Variants in ACVR2A observed in about 807,000 individuals in gnomAD.
The protein encoded by ACVR2A is activin receptor type-2A.
In ACVR2A, 7 loss-of-function variants were observed where a neutral mutation model predicts 61.4. That is an observed-to-expected ratio of 0.11 (90% CI 0.06 to 0.21). The LOEUF is 0.21. Among genes scored for constraint, ACVR2A ranks in the 10% least tolerant of loss-of-function variants. The pLI is 1.00. For missense variants in ACVR2A, 322 were observed against 621.7 expected (o/e 0.52, Z 5.13); for synonymous variants, 193 against 208.3 (o/e 0.93, Z 0.63).
intron 1 of ACVR2A, among the ~76,000 whole-genome samples, chr2:147,892,328 A>G (rs952771990): frequency 6.6e-6 from 1 of 151,462 alleles, no homozygotes; most frequent in Non-Finnish European, 1.5e-5. Flanking sequence ...CTGTCAGTTC[A>G]TGCTATAATT....
chr2:147,896,428 T>C lies in ACVR2A; in HGVS notation c.183T>C (p.Phe61=), dbSNP rs765401936. 1.9e-6 allele frequency: 3 copies of C among 1,614,038 alleles called. No individual in the cohort carries two copies. Among genetic ancestry groups the C allele is most frequent in the South Asian group, 2.2e-5 (2 of 91,082 alleles). ...YGDKDKRRHC[F]ATWKNISGSI... ...ACAAAGATAAACGGCGGCATTGTTT[T>C]GCTACCTGGAAGAATATTTCTGGTT... The change falls in exon 2 of 11, where the codon TTT becomes TTC. Residue 61 remains phenylalanine (F), a synonymous_variant. Transcript: ENST00000241416.
intron 1 of ACVR2A, among the ~76,000 whole-genome samples, chr2:147,848,874 A>C (rs2096549355): frequency 6.6e-6 from 1 of 152,190 alleles, no homozygotes; most frequent in Admixed American, 6.5e-5. Context: ...GTAGTTTATT[A>C]GTAAAAGGGC....
At chr2:147,848,866 A>C (rs553859222) in intron 1 of ACVR2A, among the ~76,000 whole-genome samples, 38 of 152,178 alleles carry the variant, frequency 2.5e-4, no homozygotes, top group Non-Finnish European at 5.1e-4. Context: ...TAAAAGCAGT[A>C]GTTTATTAGT....
In ACVR2A at chr2:147,899,831, T is replaced by A; in HGVS notation, c.461T>A (p.Val154Asp). 1 of 1,613,814 alleles carries A rather than the reference T, an allele frequency of 6.2e-7. No individual in the cohort carries two copies. The change falls in exon 4 of 11, where the codon GTC becomes GAC. Residue 154 changes from valine to aspartate, a missense_variant. Val to Asp is a radical substitution (Grantham distance 152, BLOSUM62 -3). This residue lies in a region of ACVR2A where 142 missense variants were observed against 200.3 expected (regional missense o/e 0.71). Coordinates refer to ENST00000241416, the MANE Select transcript of ACVR2A (RefSeq NM_001616.5). ...CCACTTATGTTAATTGCGGGGATTGTCATTTGTGCATTTTGGGTGTACAGG... is the reference window on the plus strand; with the variant it reads ...CCACTTATGTTAATTGCGGGGATTGACATTTGTGCATTTTGGGTGTACAGG... Reference protein sequence around the residue: ...LVPLMLIAGIVICAFWVYRHH... With the variant: ...LVPLMLIAGIDICAFWVYRHH...
chr2:147,911,662 C>A (rs2105209125), intron 4 of ACVR2A, among the ~76,000 whole-genome samples: 1 of 152,108 alleles, frequency 6.6e-6, no homozygotes, highest in Admixed American at 6.6e-5. Context: ...CTTTACTGTG[C>A]ATCCTCTATA....
At chr2:147,903,373 G>C (rs1686916409) in intron 4 of ACVR2A, among the ~76,000 whole-genome samples, 1 of 151,182 alleles carries the variant, frequency 6.6e-6, no homozygotes, top group African/African-American at 2.4e-5. Flanking sequence ...ACCAAGTCCT[G>C]TTCATTCACC....
At position 147,899,721 on chromosome 2, in the gene ACVR2A, A is replaced by AT. The variant is rs143859034; in HGVS notation, c.374-18dup. The AT allele has an allele frequency of 4.4e-4, 715 of 1,610,434 alleles. 3 individuals are homozygous for AT. The African/African-American group carries it at 9.0e-3, about 20-fold the overall frequency. On this transcript the variant is annotated intron_variant, in intron 3 of 10. Transcript: ENST00000241416. The stretch of plus-strand genomic sequence containing the variant: ...GAATTTTGTAGACCAAATCTGAGTT[A>AT]TTTTTCCCCCCCTTTTCCACAGCCA...
chr2:147,873,691 A>G (rs886440520), intron 1 of ACVR2A, among the ~76,000 whole-genome samples: 1 of 151,988 alleles, frequency 6.6e-6, no homozygotes, highest in African/African-American at 2.4e-5. Flanking sequence ...TGAAACTTTG[A>G]TGATGGTGAA....
chr2:147,869,080 C>T (rs911767998), intron 1 of ACVR2A, among the ~76,000 whole-genome samples: 6 of 152,156 alleles, frequency 3.9e-5, no homozygotes, highest in Middle Eastern at 6.8e-3. Context: ...CAGTCCTTGA[C>T]GAGTTCTAGA....
intron 2 of ACVR2A, 44 bp from the exon 3 acceptor site, chr2:147,899,414 A>T (rs780396992): frequency 7.2e-7 from 1 of 1,379,720 alleles, no homozygotes; most frequent in Non-Finnish European, 1.0e-6. Flanking sequence ...TAGGGTCAGT[A>T]TAATAATATT....
chr2:147,925,309 G>A (rs1687476797), intron 9 of ACVR2A, among the ~76,000 whole-genome samples: 1 of 151,900 alleles, frequency 6.6e-6, no homozygotes, highest in Admixed American at 6.6e-5. Context: ...TATATGTAAA[G>A]TTTCTGATCA....
intron 4 of ACVR2A, among the ~76,000 whole-genome samples, chr2:147,914,457 T>A (rs1466909914): frequency 6.6e-6 from 1 of 152,024 alleles, no homozygotes; most frequent in African/African-American, 2.4e-5. Flanking sequence ...TGCACGTTTC[T>A]TTCATTTACC....
At chr2:147,911,681 A>G (rs1322503715) in intron 4 of ACVR2A, among the ~76,000 whole-genome samples, 1 of 152,018 alleles carries the variant, frequency 6.6e-6, no homozygotes, top group East Asian at 1.9e-4. Context: ...TAATTTATAT[A>G]TTTATGTCAT....
chr2:147,868,099 T>C (rs145453438), intron 1 of ACVR2A, among the ~76,000 whole-genome samples: 2 of 152,350 alleles, frequency 1.3e-5, no homozygotes, highest in Admixed American at 6.5e-5. Flanking sequence ...CTCATTCATC[T>C]CTGTATTCTC....
chr2:147,846,125 TATAA>T (rs1685307691), intron 1 of ACVR2A, among the ~76,000 whole-genome samples: 1 of 152,206 alleles, frequency 6.6e-6, no homozygotes, highest in African/African-American at 2.4e-5. Flanking sequence ...TTTGAAATTC[TATAA>T]ATAAATACAG....
At chr2:147,918,180 A>C (rs561619777) in intron 6 of ACVR2A, among the ~76,000 whole-genome samples, 65 of 151,900 alleles carry the variant, frequency 4.3e-4, no homozygotes, top group South Asian at 1.7e-3. Flanking sequence ...AAAAAAAAAA[A>C]AAACAAACTT....
rs748782209 is a variant in ACVR2A at position 147,899,677 on chromosome 2, A to G, written c.374-67A>G. 2.4e-5 allele frequency: 39 copies of G among 1,595,512 alleles called. 1 individual carries two copies. The highest frequency in any genetic ancestry group is 3.3e-5 in the Non-Finnish European group (38 of 1,169,076). The stretch of plus-strand genomic sequence containing the variant: ...TACCTCTTCCCCAAAATTTGAGACT[A>G]TGACAGATATTTATTATAGAATTTT... On this transcript the variant is annotated intron_variant, in intron 3 of 10. Transcript: ENST00000241416.
chr2:147,870,649 G>A (rs891740652), intron 1 of ACVR2A, among the ~76,000 whole-genome samples: 17 of 152,140 alleles, frequency 1.1e-4, no homozygotes, highest in Admixed American at 2.0e-4. Flanking sequence ...GAGTCTTTTA[G>A]TTGCAAGAAC....
chr2:147,907,477 T>G (rs1573698562), intron 4 of ACVR2A, among the ~76,000 whole-genome samples: 1 of 152,200 alleles, frequency 6.6e-6, no homozygotes, highest in African/African-American at 2.4e-5. Context: ...AGTGTTCCCA[T>G]TTCTCCACAG....
Sources: gnomAD v4.1 joint callset for allele counts (sites outside exome capture counted in the v4.1 genomes callset) on GRCh38, gnomAD v4.1.1 for gene constraint, gnomAD v4.1.1 regional missense constraint, MANE v1.5 for transcripts, NCBI Gene and HGNC (gene_info 2026-07-23, HGNC 2026-07-21) for gene names.